Variants in KCNC1 observed in about 807,000 individuals in gnomAD.
KCNC1 encodes the protein potassium voltage-gated channel subfamily C member 1.
A neutral mutation model predicts 43.4 loss-of-function variants in KCNC1; 8 were observed. The observed-to-expected ratio is 0.18, with a 90% CI of 0.11 to 0.33. The LOEUF (loss-of-function observed/expected upper bound fraction) is 0.33. Ranked by LOEUF, KCNC1 falls within the 10% of genes least tolerant of loss-of-function variation. The pLI, the probability that KCNC1 is intolerant of heterozygous loss-of-function variation, is 1.00. For synonymous variants in KCNC1, 361 were observed against 360.5 expected, an observed-to-expected ratio of 1.00 and a Z score of -0.01; for missense variants, 420 against 836.0, an observed-to-expected ratio of 0.50 and a Z score of 6.14.
chr11:17,758,199 C>A (rs143433423), intron 1 of KCNC1, among the ~76,000 whole-genome samples: 111 of 152,360 alleles, frequency 7.3e-4, no homozygotes, highest in African/African-American at 2.5e-3. Context: ...AAACCACTTT[C>A]TTTGCTTATC....
At chr11:17,757,204 A>G (rs1430634023) in intron 1 of KCNC1, among the ~76,000 whole-genome samples, 1 of 104,514 alleles carries the variant, frequency 9.6e-6, no homozygotes, top group East Asian at 8.6e-4. Flanking sequence ...AAAATGTGCC[A>G]TCCATTTAGC....
intron 1 of KCNC1, among the ~76,000 whole-genome samples, chr11:17,754,631 C>T (rs1849004482): frequency 6.6e-6 from 1 of 152,312 alleles, no homozygotes; most frequent in Admixed American, 6.5e-5. Flanking sequence ...CTTGTGCTCC[C>T]CATTTCCTGG....
In KCNC1 at chr11:17,777,509, C is replaced by A. The variant is rs1565164374; in HGVS notation, c.1505-1947C>A. ...CACCCTCCTCCCTCAGCCCGGAGAC[C>A]CTTGGATGGAAGACTGGGCCAGCCA... On this transcript the variant is annotated intron_variant, in intron 2 of 3. Coordinates refer to ENST00000265969, the MANE Select transcript of KCNC1 (RefSeq NM_001112741.2). This position sits in a 1 kb window ranked among gnomAD's most constrained non-coding sequence, Gnocchi z 4.3. 1.0e-6 allele frequency: 1 copy of A among 985,998 alleles called. No homozygotes were observed. Among genetic ancestry groups the A allele is most frequent in the Non-Finnish European group, 1.2e-6 (1 of 830,052 alleles). 61.1% of individuals were successfully genotyped at this position (985,998 alleles called of 1,614,324 possible). A position where few individuals can be genotyped will look rare whatever the true frequency, so the allele number is the denominator to read the frequency against.
At chr11:17,744,561 A>G (rs1848877183) in intron 1 of KCNC1, among the ~76,000 whole-genome samples, 1 of 152,178 alleles carries the variant, frequency 6.6e-6, no homozygotes. Flanking sequence ...GCCTATGGAC[A>G]GCACCCATTG....
In KCNC1 at chr11:17,779,765, GA is replaced by G; in HGVS notation, c.1693+122del. 1 of 784,286 alleles carries G rather than the reference GA, an allele frequency of 1.3e-6. No homozygotes were observed. Among genetic ancestry groups the G allele is most frequent in the Non-Finnish European group, 1.9e-6 (1 of 533,196 alleles). The allele number at this position is 784,286 out of a possible 1,614,324, so 48.6% of individuals were successfully genotyped here. ...AGGCAGGCACACCGAGGGGGGCAAGGATGGAGGGAATCTCCCAGGGTCGGCC... is the reference window on the plus strand; with the variant it reads ...AGGCAGGCACACCGAGGGGGGCAAGGTGGAGGGAATCTCCCAGGGTCGGCC... On this transcript the variant is annotated intron_variant, in intron 3 of 3. Transcript: ENST00000265969. The surrounding 1 kb of genome is among the most constrained non-coding windows in gnomAD (Gnocchi z 7.2).
Position 17,750,038 on chromosome 11 carries a change from G to A in KCNC1, c.570+13466G>A, listed in dbSNP as rs961511123. Among the ~76,000 whole-genome samples, 3 of 152,106 alleles carry A rather than the reference G, an allele frequency of 2.0e-5. No homozygotes were observed. The East Asian group carries it at 5.8e-4, about 29-fold the overall frequency. On this transcript the variant is annotated intron_variant, in intron 1 of 3. Coordinates refer to ENST00000265969, the MANE Select transcript of KCNC1 (RefSeq NM_001112741.2). ...TAAAGGAGGGTGCACAGGCCTTTGG[G>A]CCTGGCCAGGCCTGGGTTCTGATCC...
intron 1 of KCNC1, among the ~76,000 whole-genome samples, chr11:17,738,695 T>C (rs531516149): frequency 2.0e-5 from 3 of 152,272 alleles, no homozygotes; most frequent in Admixed American, 6.5e-5. Context: ...CTAGTGTGGT[T>C]TGAGGTTCTA....
intron 1 of KCNC1, among the ~76,000 whole-genome samples, chr11:17,760,150 T>C (rs1003543456): frequency 6.6e-6 from 1 of 152,122 alleles, no homozygotes; most frequent in African/African-American, 2.4e-5. Context: ...AAAATACATG[T>C]AGTATAATGA....
At position 17,779,435 on chromosome 11, in the gene KCNC1, C is replaced by T. The variant is rs1474639929; in HGVS notation, c.1505-21C>T. 3.3e-6 allele frequency: 5 copies of T among 1,508,716 alleles called. No homozygotes were observed. The highest frequency in any genetic ancestry group is 2.3e-5 in the Admixed American group (1 of 43,826). 93.5% of individuals were successfully genotyped at this position (1,508,716 alleles called of 1,614,324 possible). ...TAAACAGTTTTCAGTGTCTCAATAG[C>T]TTCTGCTTATATGTTTGAAGATTCC... On this transcript the variant is annotated intron_variant, in intron 2 of 3. Transcript: ENST00000265969. This position sits in a 1 kb window ranked among gnomAD's most constrained non-coding sequence, Gnocchi z 7.2.
At chr11:17,778,838 C>CG (rs1031786335) in intron 2 of KCNC1, among the ~76,000 whole-genome samples, 7 of 25,638 alleles carry the variant, frequency 2.7e-4, no homozygotes, top group South Asian at 8.0e-4. Context: ...AGGTTGGGGT[C>CG]GGGGGGGTAC....
At chr11:17,751,779 A>G (rs7941164) in intron 1 of KCNC1, among the ~76,000 whole-genome samples, 48,263 of 152,104 alleles carry the variant, frequency 0.32, 8,225 homozygotes, top group African/African-American at 0.44. Context: ...GCCTCTGGCC[A>G]AAGCCTGAAG....
Position 17,771,955 on chromosome 11 carries a change from G to A in KCNC1, c.861G>A (p.Leu287=). ...SLNIIDFVAI[L]PFYLEVGLSG... is the part of the protein sequence containing the mutation. ...ACATCATTGACTTTGTGGCCATCCT[G>A]CCCTTCTACCTGGAGGTGGGGCTGA... Residue 287 remains leucine, a synonymous_variant, in exon 2 of 4, where the codon CTG becomes CTA. Coordinates refer to ENST00000265969, the MANE Select transcript of KCNC1 (RefSeq NM_001112741.2). The surrounding 1 kb of genome is among the most constrained non-coding windows in gnomAD (Gnocchi z 4.7). 5 of 1,614,186 alleles carry A rather than the reference G, an allele frequency of 3.1e-6. No individual in the cohort carries two copies. The South Asian group carries it at 5.5e-5, about 18-fold the overall frequency.
At chr11:17,754,618 A>G (rs927911093) in intron 1 of KCNC1, among the ~76,000 whole-genome samples, 1 of 152,196 alleles carries the variant, frequency 6.6e-6, no homozygotes, top group African/African-American at 2.4e-5. Flanking sequence ...GAGGAAACCT[A>G]TGCTTGTGCT....
chr11:17,781,665 T>C lies in KCNC1; in HGVS notation c.1694-5T>C, dbSNP rs1298191610. On this transcript the variant is annotated splice_region_variant and splice_polypyrimidine_tract_variant and intron_variant, in intron 3 of 3. Transcript: ENST00000265969. This position sits in a 1 kb window ranked among gnomAD's most constrained non-coding sequence, Gnocchi z 5.1. ...TCAAGTGTTAATTGTATTCTTTACA[T>C]ACAGATCTTTGCAAAGAAAGCCCTG... The C allele has an allele frequency of 3.9e-6, 6 of 1,542,868 alleles. No homozygotes were observed. Among genetic ancestry groups the C allele is most frequent in the Non-Finnish European group, 5.3e-6 (6 of 1,139,034 alleles).
intron 1 of KCNC1, among the ~76,000 whole-genome samples, chr11:17,740,689 T>C (rs1848829827): frequency 6.6e-6 from 1 of 152,134 alleles, no homozygotes. Flanking sequence ...CCTGAGTCAC[T>C]TGACCTTCCA....
chr11:17,781,614 G>C lies in KCNC1; in HGVS notation c.1694-56G>C, dbSNP rs887886933. 5 of 1,206,808 alleles carry C rather than the reference G, an allele frequency of 4.1e-6. No individual in the cohort carries two copies. Among genetic ancestry groups the C allele is most frequent in the Non-Finnish European group, 6.0e-6 (5 of 835,678 alleles). 74.8% of individuals were successfully genotyped at this position (1,206,808 alleles called of 1,614,324 possible). A position where few individuals can be genotyped will look rare whatever the true frequency, so the allele number is the denominator to read the frequency against. On this transcript the variant is annotated intron_variant, in intron 3 of 3. Transcript: ENST00000265969. This position sits in a 1 kb window ranked among gnomAD's most constrained non-coding sequence, Gnocchi z 5.1. ...CCTTCTTAAAAACTAAGTACCAAGC[G>C]GGATGGGAGAGCCAAGAAGAGAAGC...
chr11:17,766,798 T>G (rs1849155217), intron 1 of KCNC1, among the ~76,000 whole-genome samples: 2 of 151,780 alleles, frequency 1.3e-5, no homozygotes, highest in African/African-American at 4.8e-5. Context: ...CGCTCTGCAG[T>G]GGGTGGGGCT....
intron 1 of KCNC1, among the ~76,000 whole-genome samples, chr11:17,754,453 A>G (rs1849002334): frequency 6.6e-6 from 1 of 152,230 alleles, no homozygotes; most frequent in African/African-American, 2.4e-5. Context: ...TCATTGAATC[A>G]GTGACTGCCC....
intron 1 of KCNC1, among the ~76,000 whole-genome samples, chr11:17,755,132 G>A (rs551034532): frequency 1.3e-5 from 2 of 152,286 alleles, no homozygotes; most frequent in South Asian, 2.1e-4. Context: ...GGGGAAAGGC[G>A]TTCTAGGCAG....
Sources: gnomAD v4.1 joint callset for allele counts (sites outside exome capture counted in the v4.1 genomes callset) on GRCh38, gnomAD v4.1.1 for gene constraint, Gnocchi (gnomAD v3.1) non-coding constraint, MANE v1.5 for transcripts, NCBI Gene and HGNC (gene_info 2026-07-23, HGNC 2026-07-21) for gene names.